The following INSR variants were observed in gnomAD, a reference collection of about 807,000 sequenced individuals.
The protein encoded by INSR is insulin receptor, also known as IR.
INSR carries 67 observed loss-of-function variants against 142.6 expected under a neutral mutation model. The ratio of observed to expected loss-of-function variants is 0.47; its 90% CI spans 0.39 to 0.58. The LOEUF (loss-of-function observed/expected upper bound fraction) is 0.58, where lower values mean the gene tolerates loss of function less well. Among genes scored for constraint, INSR ranks in the 20% least tolerant of loss-of-function variants. The pLI, the probability that INSR is intolerant of heterozygous loss-of-function variation, is 0.00. For synonymous variants in INSR, 756 were observed against 743.1 expected, an observed-to-expected ratio of 1.02 and a Z score of -0.28; for missense variants, 1,248 against 1,833.2, an observed-to-expected ratio of 0.68 and a Z score of 5.83.
intron 2 of INSR, among the ~76,000 whole-genome samples, chr19:7,202,682 G>T (rs1339330947): frequency 6.6e-6 from 1 of 152,040 alleles, no homozygotes; most frequent in Non-Finnish European, 1.5e-5. Context: ...TGTACTTTTA[G>T]TAGAGACGGG....
intron 8 of INSR, among the ~76,000 whole-genome samples, chr19:7,164,960 C>G (rs1483118527): frequency 3.3e-5 from 5 of 151,790 alleles, no homozygotes; most frequent in African/African-American, 1.2e-4. Context: ...GAAATCCCAT[C>G]TCTACTAAAA....
intron 2 of INSR, among the ~76,000 whole-genome samples, chr19:7,250,094 G>T (rs1479810685): frequency 6.6e-6 from 1 of 151,912 alleles, no homozygotes. Context: ...AGGAGTTCCA[G>T]ACTGCTGTTA....
intron 1 of INSR, among the ~76,000 whole-genome samples, chr19:7,281,748 C>G (rs1454873268): frequency 6.6e-6 from 1 of 152,150 alleles, no homozygotes. Flanking sequence ...CTCTCGAGTC[C>G]CTTCCTGTCT....
chr19:7,209,269 T>C (rs947890383), intron 2 of INSR, among the ~76,000 whole-genome samples: 1 of 152,180 alleles, frequency 6.6e-6, no homozygotes, highest in Non-Finnish European at 1.5e-5. Context: ...AAGGCTGCAG[T>C]GAGCTGTGAT....
intron 2 of INSR, among the ~76,000 whole-genome samples, chr19:7,252,073 A>T (rs1270574614): frequency 6.6e-6 from 1 of 152,070 alleles, no homozygotes; most frequent in Non-Finnish European, 1.5e-5. Context: ...CCGGAGTTCA[A>T]GACCAGCCTG....
chr19:7,243,526 A>G (rs28376271), intron 2 of INSR, among the ~76,000 whole-genome samples: 42,376 of 151,902 alleles, frequency 0.28, 7,439 homozygotes, highest in African/African-American at 0.5. Context: ...GATTACAGGC[A>G]TGAGCCACCG....
At chr19:7,213,989 C>CAAAAAAAAAA (rs532464276) in intron 2 of INSR, among the ~76,000 whole-genome samples, 1,539 of 140,792 alleles carry the variant, frequency 0.011, 44 homozygotes, top group African/African-American at 0.038. Flanking sequence ...GACTTTGTCT[C>CAAAAAAAAAA]AAAAAAAAAA....
At chr19:7,230,020 G>A (rs1040265771) in intron 2 of INSR, among the ~76,000 whole-genome samples, 18 of 151,934 alleles carry the variant, frequency 1.2e-4, no homozygotes, top group African/African-American at 4.4e-4. Flanking sequence ...TCAAACTCCT[G>A]GCTTCAAGGA....
Position 7,184,335 on chromosome 19 carries a change from A to G in INSR, c.955T>C (p.Tyr319His). ...NKCIPECPSG[Y>H]TMNSSNLLCT... ...ACTCACTTGCTGGAATTCATCGTGT[A>G]CCCGGAGGGACACTCAGGGATGCAC... The change falls in exon 3 of 22, where the codon TAC (tyrosine) becomes CAC (histidine). Residue 319 changes from tyrosine (Y) to histidine (H), a missense_variant. Transcript: ENST00000302850. 1 of 1,613,728 alleles carries G rather than the reference A, an allele frequency of 6.2e-7. No individual in the cohort carries two copies. The highest frequency in any genetic ancestry group is 8.5e-7 in the Non-Finnish European group (1 of 1,179,932).
At chr19:7,197,861 A>G (rs1974819052) in intron 2 of INSR, among the ~76,000 whole-genome samples, 1 of 132,862 alleles carries the variant, frequency 7.5e-6, no homozygotes, top group African/African-American at 2.9e-5. Flanking sequence ...AGAACGAGAG[A>G]GAGTGTGTGC....
rs752488834 is a variant in INSR, at chr19:7,132,248, G to A, written c.2752C>T (p.Pro918Ser). 1.9e-6 allele frequency: 3 copies of A among 1,614,216 alleles called. No homozygotes were observed. The highest frequency in any genetic ancestry group is 2.5e-6 in the Non-Finnish European group (3 of 1,180,040). Residue 918 changes from proline to serine, a missense_variant, in exon 14 of 22, where the codon CCG becomes TCG. By Grantham distance (74) the Pro-to-Ser change is moderately conservative. Around this residue, in one of 3 missense-constraint regions of INSR, gnomAD observed 1,069 missense variants for 1,654.0 expected, o/e 0.65. Coordinates refer to ENST00000302850, the MANE Select transcript of INSR (RefSeq NM_000208.4). ...CGGATTCGCACGCTGTAGTTCCCCG[G>A]TGACAGCCCACGCAGCCTGCAGCCC... is the stretch of plus-strand genomic sequence containing the variant. ...ERGCRLRGLSPGNYSVRIRAT... is the reference protein window; with the variant it reads ...ERGCRLRGLSSGNYSVRIRAT...
At chr19:7,137,298 G>C (rs367653281) in intron 13 of INSR, among the ~76,000 whole-genome samples, 1 of 150,990 alleles carries the variant, frequency 6.6e-6, no homozygotes, top group Non-Finnish European at 1.5e-5. Flanking sequence ...TCATGCCCAA[G>C]CCAATCAGCA....
chr19:7,207,479 T>G (rs189918580), intron 2 of INSR, among the ~76,000 whole-genome samples: 1 of 151,838 alleles, frequency 6.6e-6, no homozygotes, highest in Non-Finnish European at 1.5e-5. Flanking sequence ...GCAGAAGGTA[T>G]ACCAAAGCCC....
chr19:7,266,821 T>C (rs984803799), intron 2 of INSR, among the ~76,000 whole-genome samples: 1 of 152,204 alleles, frequency 6.6e-6, no homozygotes, highest in Non-Finnish European at 1.5e-5. Flanking sequence ...ATAAGATGAA[T>C]GTTTTGCTTT....
rs1228809540 is a variant in INSR at position 7,150,738 on chromosome 19, A to T, written c.2232-206T>A. On this transcript the variant is annotated intron_variant, in intron 10 of 21. Coordinates refer to ENST00000302850, the MANE Select transcript of INSR (RefSeq NM_000208.4). The surrounding 1 kb of genome is among the most constrained non-coding windows in gnomAD (Gnocchi z 4.2). Reference sequence around the variant, plus strand: ...TCCAGCAAGGGAAGGGGAAGAAATCAGAGAAAATTCTCCCCAGAGACGGCC... The same window carrying T: ...TCCAGCAAGGGAAGGGGAAGAAATCTGAGAAAATTCTCCCCAGAGACGGCC... 6.6e-6 allele frequency among the ~76,000 whole-genome samples: 1 copy of T among 152,204 alleles called. No individual in the cohort carries two copies. Among genetic ancestry groups the T allele is most frequent in the Non-Finnish European group, 1.5e-5 (1 of 68,032 alleles).
chr19:7,122,012 G>A (rs779035339), intron 19 of INSR, among the ~76,000 whole-genome samples: 8 of 152,048 alleles, frequency 5.3e-5, no homozygotes, highest in African/African-American at 9.7e-5. Context: ...GTGTGGTGGC[G>A]CACGCCTGTA....
At chr19:7,285,870 C>A (rs1366554035) in intron 1 of INSR, among the ~76,000 whole-genome samples, 2 of 152,158 alleles carry the variant, frequency 1.3e-5, no homozygotes, top group Admixed American at 6.6e-5. Context: ...AACAACGAGA[C>A]TGTTCTCTAT....
intron 15 of INSR, among the ~76,000 whole-genome samples, chr19:7,127,057 C>G (rs1482694064): frequency 1.3e-5 from 2 of 152,148 alleles, no homozygotes; most frequent in East Asian, 3.9e-4. Flanking sequence ...CACCACCACA[C>G]CTGGCTAATT....
At position 7,209,798 on chromosome 19, in the gene INSR, T is replaced by C. The variant is rs545387335; in HGVS notation, c.653-25161A>G. ...ATGTACAGGTTGAAATACAGAACAT[T>C]TGCACCACCCCCATCTTTGAATACT... On this transcript the variant is annotated intron_variant, in intron 2 of 21. Transcript: ENST00000302850. Among the ~76,000 whole-genome samples, 24 of 152,124 alleles carry C rather than the reference T, an allele frequency of 1.6e-4. No individual in the cohort carries two copies. The South Asian group carries it at 5.0e-3, about 32-fold the overall frequency.
Sources: gnomAD v4.1 joint callset for allele counts (sites outside exome capture counted in the v4.1 genomes callset) on GRCh38, gnomAD v4.1.1 for gene constraint, gnomAD v4.1.1 regional missense constraint, Gnocchi (gnomAD v3.1) non-coding constraint, MANE v1.5 for transcripts, NCBI Gene and HGNC (gene_info 2026-07-23, HGNC 2026-07-21) for gene names.